The following EYS variants were observed in gnomAD, a reference collection of about 807,000 sequenced individuals.
EYS encodes the protein protein eyes shut homolog.
Under a neutral mutation model 282.1 loss-of-function variants are expected in EYS, and 250 were observed. The observed-to-expected ratio is 0.89, with a 90% CI of 0.80 to 0.98. The LOEUF is 0.98. EYS is among the 50% of genes least tolerant of loss of function. EYS has a pLI of 0.00. For synonymous variants in EYS, 1,355 were observed against 1,282.9 expected (o/e 1.06, Z -1.20); for missense variants, 4,016 against 3,709.0 (o/e 1.08, Z -2.15).
At chr6:64,329,043 G>A (rs1770535086) in intron 29 of EYS, among the ~76,000 whole-genome samples, 1 of 152,258 alleles carries the variant, frequency 6.6e-6, no homozygotes, top group African/African-American at 2.4e-5. Flanking sequence ...AATCGGACTG[G>A]CAGGAATCAA....
Position 65,016,379 on chromosome 6 carries a change from T to A in EYS, c.2138-18676A>T, listed in dbSNP as rs1281983377. ...TTTAAGAGCTGTAAGTGGATATAGA[T>A]GTTTACAAAAATGTGAAAATGCTAA... On this transcript the variant is annotated intron_variant, in intron 13 of 42. Coordinates refer to ENST00000503581, the MANE Select transcript of EYS (RefSeq NM_001142800.2). Among the ~76,000 whole-genome samples, 8 of 152,210 alleles carry A rather than the reference T, an allele frequency of 5.3e-5. No individual in the cohort carries two copies. The South Asian group carries it at 1.4e-3, about 28-fold the overall frequency.
intron 31 of EYS, among the ~76,000 whole-genome samples, chr6:64,101,459 C>A (rs1772824358): frequency 6.6e-6 from 1 of 151,890 alleles, no homozygotes; most frequent in South Asian, 2.1e-4. Flanking sequence ...ATTCATGATG[C>A]ATGCATGCAC....
chr6:65,305,609 T>A (rs1237030714), intron 11 of EYS, among the ~76,000 whole-genome samples: 3 of 152,160 alleles, frequency 2.0e-5, no homozygotes, highest in Non-Finnish European at 4.4e-5. Flanking sequence ...TGTAATTTTT[T>A]AAAAGGCTTT....
At chr6:65,016,339 A>T (rs1199885346) in intron 13 of EYS, among the ~76,000 whole-genome samples, 1 of 152,226 alleles carries the variant, frequency 6.6e-6, no homozygotes, top group Non-Finnish European at 1.5e-5. Flanking sequence ...TAAACTTCTT[A>T]AAGAACATTG....
intron 2 of EYS, among the ~76,000 whole-genome samples, chr6:65,638,028 C>A (rs915625842): frequency 6.6e-6 from 1 of 152,178 alleles, no homozygotes; most frequent in Admixed American, 6.5e-5. Flanking sequence ...GAGTCCACTA[C>A]CCAGAGTGAG....
intron 12 of EYS, among the ~76,000 whole-genome samples, chr6:65,198,687 T>C (rs183691989): frequency 4.3e-4 from 66 of 152,276 alleles, no homozygotes; most frequent in African/African-American, 9.4e-4. Flanking sequence ...ATCTGACTTA[T>C]GTATTTCGAT....
chr6:65,490,490 T>C, intron 5 of EYS, 104 bp downstream of exon 5: 1 of 741,964 alleles, frequency 1.3e-6, no homozygotes, highest in Non-Finnish European at 2.4e-6. Flanking sequence ...CCTTCTGAAA[T>C]TGTATTTTTC....
At chr6:65,374,458 C>A (rs1765279424) in intron 8 of EYS, among the ~76,000 whole-genome samples, 2 of 151,108 alleles carry the variant, frequency 1.3e-5, no homozygotes, top group Non-Finnish European at 2.9e-5. Flanking sequence ...GTTTCAAGCA[C>A]AAAACTGGGA....
At chr6:64,413,321 A>C (rs1773963529) in intron 28 of EYS, among the ~76,000 whole-genome samples, 1 of 152,134 alleles carries the variant, frequency 6.6e-6, no homozygotes, top group Non-Finnish European at 1.5e-5. Context: ...CTTCTCAGCC[A>C]TCATTAGTCT....
Position 64,528,918 on chromosome 6 carries a change from T to C in EYS, c.5644+61305A>G, listed in dbSNP as rs139261000. The stretch of plus-strand genomic sequence containing the variant: ...TTCTATCATCAAAAAGATATGGAAA[T>C]TTGTGTTAAACAATAAATAATTTTC... On this transcript the variant is annotated intron_variant, in intron 26 of 42. Coordinates refer to ENST00000503581, the MANE Select transcript of EYS (RefSeq NM_001142800.2). Among the ~76,000 whole-genome samples the C allele has an allele frequency of 8.6e-3, 1,305 of 152,146 alleles. 26 individuals are homozygous for C. The highest frequency in any genetic ancestry group is 0.029 in the African/African-American group (1,196 of 41,552).
chr6:63,907,851 T>A (rs112939465), intron 35 of EYS, among the ~76,000 whole-genome samples: 5 of 151,988 alleles, frequency 3.3e-5, no homozygotes, highest in African/African-American at 1.2e-4. Context: ...CTCCCACTTA[T>A]AAGTGAGAAC....
At chr6:64,337,673 C>T (rs549681140) in intron 29 of EYS, among the ~76,000 whole-genome samples, 1 of 151,912 alleles carries the variant, frequency 6.6e-6, no homozygotes, top group East Asian at 1.9e-4. Flanking sequence ...AAGGACATAA[C>T]CAAAAAAGAA....
At chr6:64,362,248 T>C (rs1303428773) in intron 29 of EYS, among the ~76,000 whole-genome samples, 2 of 151,780 alleles carry the variant, frequency 1.3e-5, no homozygotes, top group Non-Finnish European at 2.9e-5. Context: ...ACAAAATCTA[T>C]ACAGAAAATA....
intron 35 of EYS, among the ~76,000 whole-genome samples, chr6:63,970,194 A>C (rs1766491370): frequency 6.6e-6 from 1 of 152,220 alleles, no homozygotes; most frequent in Non-Finnish European, 1.5e-5. Flanking sequence ...CACTTACAAA[A>C]GCTAAAATTG....
At position 65,688,853 on chromosome 6, in the gene EYS, T is replaced by A. The variant is rs533383387; in HGVS notation, c.-448+18282A>T. On this transcript the variant is annotated intron_variant, in intron 1 of 42. Transcript: ENST00000503581. ...CATCTCACACCAGTTAGAATGGCGA[T>A]CATTAAAAAGTCAGGAAACAACAGG... Among the ~76,000 whole-genome samples, 545 of 151,764 alleles carry A rather than the reference T, an allele frequency of 3.6e-3. 3 individuals are homozygous for A. The highest frequency in any genetic ancestry group is 6.3e-3 in the Non-Finnish European group (428 of 67,922).
chr6:64,133,343 T>C (rs1163815174), intron 31 of EYS, among the ~76,000 whole-genome samples: 2 of 151,994 alleles, frequency 1.3e-5, no homozygotes, highest in Non-Finnish European at 2.9e-5. Context: ...CTTACTAACA[T>C]TTTCAGCTTT....
At position 64,813,454 on chromosome 6, in the gene EYS, C is replaced by T. The variant is rs1180197346; in HGVS notation, c.3367G>A (p.Glu1123Lys). The T allele has an allele frequency of 1.9e-6, 3 of 1,550,234 alleles. No individual in the cohort carries two copies. The highest frequency in any genetic ancestry group is 2.4e-5 in the South Asian group (2 of 83,970). ...YCEKSIDNCA[E>K]PELNSVICLN... ...CAGATGACTGAATTAAGTTCAGGCT[C>T]AGCACAATTATCAATGCTTTTTTCA... Residue 1123 changes from glutamate (E) to lysine (K), a missense_variant, in exon 22 of 43, where the codon GAG becomes AAG. Coordinates refer to ENST00000503581, the MANE Select transcript of EYS (RefSeq NM_001142800.2).
chr6:65,386,836 T>C (rs964560224), intron 7 of EYS, among the ~76,000 whole-genome samples: 1 of 151,858 alleles, frequency 6.6e-6, no homozygotes, highest in African/African-American at 2.4e-5. Flanking sequence ...TTCTAAAATG[T>C]CCAATTTATA....
intron 2 of EYS, among the ~76,000 whole-genome samples, chr6:65,559,142 G>A (rs1768933859): frequency 6.6e-6 from 1 of 152,136 alleles, no homozygotes; most frequent in Non-Finnish European, 1.5e-5. Flanking sequence ...TGATGATGTG[G>A]GCAGATCACT....
Sources: gnomAD v4.1 joint callset for allele counts (sites outside exome capture counted in the v4.1 genomes callset) on GRCh38, gnomAD v4.1.1 for gene constraint, MANE v1.5 for transcripts, NCBI Gene and HGNC (gene_info 2026-07-23, HGNC 2026-07-21) for gene names.